PCDH11X: variants seen among roughly 807,000 people sequenced by gnomAD.
PCDH11X encodes protocadherin-11 X-linked.
PCDH11X carries 18 observed loss-of-function variants against 53.3 expected under a neutral mutation model. The observed-to-expected ratio is 0.34, with a 90% CI of 0.23 to 0.50. The LOEUF (loss-of-function observed/expected upper bound fraction) is 0.50. PCDH11X is among the 20% of genes least tolerant of loss of function. The pLI, the probability that PCDH11X is intolerant of heterozygous loss-of-function variation, is 0.98. For missense variants in PCDH11X, 570 were observed against 1,032.4 expected (o/e 0.55, Z 6.14); for synonymous variants, 279 against 393.3 (o/e 0.71, Z 3.44).
intron 9 of PCDH11X, chrX:92,460,993 A>G (rs2073030316): frequency 3.9e-6 from 3 of 765,957 alleles, no homozygotes; most frequent in South Asian, 2.2e-5. Context: ...CAGGAGGCCA[A>G]TAAAAAGTAC....
Position 92,020,430 on chromosome X carries a change from C to T in PCDH11X, c.3033+141157C>T, listed in dbSNP as rs1000765002. Among the ~76,000 whole-genome samples, 7 of 111,955 alleles carry T rather than the reference C, an allele frequency of 6.3e-5. No individual in the cohort carries two copies. In the East Asian group the frequency reaches 8.6e-4, roughly 14 times the overall value. ...CCAACACACCAGTTGTGGCAGACTG[C>T]GGCCAGAGCACCTCTTCAGACCTGA... On this transcript the variant is annotated intron_variant, in intron 6 of 10. Coordinates refer to ENST00000682573, the MANE Select transcript of PCDH11X (RefSeq NM_032968.5).
At chrX:91,920,174 C>T (rs1410621813) in intron 6 of PCDH11X, among the ~76,000 whole-genome samples, 1 of 111,502 alleles carries the variant, frequency 9.0e-6, no homozygotes, top group Non-Finnish European at 1.9e-5. Flanking sequence ...TTTGTGGGAA[C>T]ATTTAGATTT....
chrX:91,870,912 G>A (rs917113001), intron 5 of PCDH11X, among the ~76,000 whole-genome samples: 10 of 111,098 alleles, frequency 9.0e-5, no homozygotes, highest in Admixed American at 8.6e-4. Context: ...AAAGTAGCGA[G>A]GGACTTGGTG....
chrX:91,817,932 A>G (rs965173078), intron 4 of PCDH11X, among the ~76,000 whole-genome samples: 15 of 111,609 alleles, frequency 1.3e-4, no homozygotes, highest in African/African-American at 4.2e-4. Flanking sequence ...TGTGATCGCA[A>G]TTTCCTAGAG....
At chrX:92,096,186 G>A (rs868705226) in intron 6 of PCDH11X, among the ~76,000 whole-genome samples, 14 of 111,994 alleles carry the variant, frequency 1.3e-4, no homozygotes, top group African/African-American at 4.5e-4. Context: ...CAAGTCACTT[G>A]CTGAAGATCA....
chrX:92,217,577 G>T (rs1250209691), intron 7 of PCDH11X, among the ~76,000 whole-genome samples: 1 of 100,364 alleles, frequency 1.0e-5, no homozygotes, highest in African/African-American at 3.6e-5. Flanking sequence ...CCTACAAAGA[G>T]ACTCAGACTC....
At chrX:92,324,532 A>G (rs1389355154) in intron 8 of PCDH11X, among the ~76,000 whole-genome samples, 1 of 109,125 alleles carries the variant, frequency 9.2e-6, no homozygotes. Flanking sequence ...TTCAGGTAAC[A>G]AGAAGATAGA....
intron 10 of PCDH11X, among the ~76,000 whole-genome samples, chrX:92,475,236 A>G (rs1221623027): frequency 6.8e-5 from 7 of 102,571 alleles, no homozygotes; most frequent in Non-Finnish European, 1.4e-4. Flanking sequence ...AATATTCTGT[A>G]TTTTTTGTGT....
intron 10 of PCDH11X, among the ~76,000 whole-genome samples, chrX:92,486,355 G>A (rs956105811): frequency 3.5e-4 from 39 of 111,270 alleles, no homozygotes; most frequent in Non-Finnish European, 7.0e-4. Flanking sequence ...TAGTTTGAAC[G>A]TCTAATAGTT....
At chrX:92,183,666 G>A (rs2066038017) in intron 6 of PCDH11X, among the ~76,000 whole-genome samples, 1 of 112,329 alleles carries the variant, frequency 8.9e-6, no homozygotes, top group Admixed American at 9.4e-5. Flanking sequence ...CAATATGACA[G>A]GTCTTGTGAT....
chrX:92,032,246 T>C (rs2063062772), intron 6 of PCDH11X, among the ~76,000 whole-genome samples: 1 of 108,545 alleles, frequency 9.2e-6, no homozygotes, highest in South Asian at 4.4e-4. Context: ...TTTGTGGCTA[T>C]TGTAAATGGG....
intron 8 of PCDH11X, among the ~76,000 whole-genome samples, chrX:92,267,092 A>AT (rs1236597952): frequency 8.9e-6 from 1 of 111,860 alleles, no homozygotes; most frequent in Non-Finnish European, 1.9e-5. Flanking sequence ...GAATCTGGTT[A>AT]ATAGTTTTTG....
intron 6 of PCDH11X, among the ~76,000 whole-genome samples, chrX:92,103,695 G>A: frequency 8.9e-6 from 1 of 112,349 alleles, no homozygotes; most frequent in Non-Finnish European, 1.9e-5. Context: ...TCCGGCATGT[G>A]TAACAAGTTC....
chrX:92,355,964 AT>A (rs772904673), intron 8 of PCDH11X, among the ~76,000 whole-genome samples: 1 of 111,124 alleles, frequency 9.0e-6, no homozygotes, highest in Non-Finnish European at 1.9e-5. Context: ...TAATCCTGAG[AT>A]TTGTTACTTG....
chrX:92,161,371 CT>C (rs1314320719), intron 6 of PCDH11X, among the ~76,000 whole-genome samples: 1 of 111,799 alleles, frequency 8.9e-6, no homozygotes, highest in Non-Finnish European at 1.9e-5. Context: ...TGGAGGGTTT[CT>C]GCTGACAAAT....
chrX:91,948,352 C>G (rs1461448129), intron 6 of PCDH11X, among the ~76,000 whole-genome samples: 1 of 110,278 alleles, frequency 9.1e-6, no homozygotes, highest in Non-Finnish European at 1.9e-5. Context: ...ATTCCATGTT[C>G]TGTTACAGCC....
At chrX:92,436,144 C>G (rs754564273) in intron 9 of PCDH11X, among the ~76,000 whole-genome samples, 2 of 108,090 alleles carry the variant, frequency 1.9e-5, no homozygotes, top group South Asian at 8.1e-4. Context: ...ACAAACAACC[C>G]CATGAAAAAG....
intron 10 of PCDH11X, among the ~76,000 whole-genome samples, chrX:92,605,472 C>T (rs1926688403): frequency 9.0e-6 from 1 of 110,500 alleles, no homozygotes; most frequent in Non-Finnish European, 1.9e-5. Context: ...CCACAAGTAA[C>T]TAGGCAAAAA....
intron 6 of PCDH11X, among the ~76,000 whole-genome samples, chrX:92,155,544 C>T (rs1318040399): frequency 1.1e-5 from 1 of 95,237 alleles, no homozygotes; most frequent in African/African-American, 3.9e-5. Context: ...GGAAACCTCT[C>T]GCTCCTTATC....
Sources: allele counts gnomAD v4.1 joint callset (sites outside exome capture counted in the v4.1 genomes callset), GRCh38; gene constraint gnomAD v4.1.1; transcripts MANE v1.5; gene names NCBI Gene and HGNC (gene_info 2026-07-23, HGNC 2026-07-21).